GLB1: variants seen among roughly 807,000 people sequenced by gnomAD.
GLB1 encodes the protein beta-galactosidase.
Under a neutral mutation model 74.0 loss-of-function variants are expected in GLB1, and 56 were observed. The observed-to-expected ratio is 0.76, with a 90% CI of 0.61 to 0.94. The LOEUF is 0.94. Ranked by LOEUF, GLB1 falls within the 40% of genes least tolerant of loss-of-function variation. The pLI is 0.00. For missense variants in GLB1, 787 were observed against 845.5 expected, an observed-to-expected ratio of 0.93 and a Z score of 0.86; for synonymous variants, 323 against 323.6, an observed-to-expected ratio of 1.00 and a Z score of 0.02.
intron 14 of GLB1, among the ~76,000 whole-genome samples, chr3:33,016,129 C>T (rs1697228278): frequency 6.6e-6 from 1 of 152,166 alleles, no homozygotes; most frequent in Non-Finnish European, 1.5e-5. Context: ...GGCTAACCAT[C>T]CAAACCCATA....
chr3:32,972,326 G>A, the GLB1 span, among the ~76,000 whole-genome samples: 357 of 152,284 alleles, frequency 2.3e-3, 2 homozygotes, highest in Middle Eastern at 0.01. Flanking sequence ...GGAGGAGTAT[G>A]TGGAAAATTT....
intron 1 of GLB1, chr3:33,090,547 G>C: frequency 2.0e-6 from 2 of 985,312 alleles, no homozygotes; most frequent in Non-Finnish European, 2.4e-6. Context: ...TAAAAATAAA[G>C]AAACAAATGA....
chr3:32,976,592 A>T, the GLB1 span, among the ~76,000 whole-genome samples: 1 of 152,132 alleles, frequency 6.6e-6, no homozygotes, highest in Non-Finnish European at 1.5e-5. Flanking sequence ...TGGCCATGGG[A>T]GGCAGCAGTG....
intron 10 of GLB1, chr3:33,033,797 A>AAAG: frequency 3.8e-6 from 1 of 266,444 alleles, no homozygotes; most frequent in Non-Finnish European, 7.2e-6. Context: ...AAAAAAAAAA[A>AAAG]GGTGGTAAGG....
chr3:32,981,640 G>A, the GLB1 span, among the ~76,000 whole-genome samples: 1 of 151,750 alleles, frequency 6.6e-6, no homozygotes, highest in East Asian at 1.9e-4. Flanking sequence ...CAGGCGTCAT[G>A]GCGCATGTGT....
chr3:33,023,897 G>A (rs1222838290), intron 11 of GLB1, among the ~76,000 whole-genome samples: 1 of 152,110 alleles, frequency 6.6e-6, no homozygotes, highest in Non-Finnish European at 1.5e-5. Context: ...AGGTAAATAC[G>A]ACAAAGAGCC....
chr3:33,078,241 C>T (rs767308896), intron 1 of GLB1, among the ~76,000 whole-genome samples: 7 of 152,066 alleles, frequency 4.6e-5, no homozygotes, highest in Non-Finnish European at 1.0e-4. Flanking sequence ...GGGACCCTGT[C>T]TCAAAATAAC....
At chr3:32,971,640 C>T in the GLB1 span, among the ~76,000 whole-genome samples, 6 of 152,184 alleles carry the variant, frequency 3.9e-5, no homozygotes, top group Non-Finnish European at 7.3e-5. Context: ...AGTACTATAT[C>T]GCCTGATGGG....
At chr3:32,965,915 G>T in the GLB1 span, among the ~76,000 whole-genome samples, 1 of 152,246 alleles carries the variant, frequency 6.6e-6, no homozygotes, top group Non-Finnish European at 1.5e-5. Flanking sequence ...GTTGTGTTGA[G>T]ACTGCAGGTG....
intron 5 of GLB1, among the ~76,000 whole-genome samples, chr3:33,064,366 G>A (rs1194202348): frequency 6.6e-6 from 1 of 151,272 alleles, no homozygotes; most frequent in Non-Finnish European, 1.5e-5. Flanking sequence ...CCTGAACCTG[G>A]GAGGCAGAGG....
At chr3:33,041,140 C>G (rs1698479206) in intron 10 of GLB1, among the ~76,000 whole-genome samples, 1 of 152,062 alleles carries the variant, frequency 6.6e-6, no homozygotes, top group Non-Finnish European at 1.5e-5. Flanking sequence ...AGATACCAAG[C>G]CACAAGTTCC....
At chr3:33,078,001 A>C (rs1298656733) in intron 1 of GLB1, among the ~76,000 whole-genome samples, 1 of 152,114 alleles carries the variant, frequency 6.6e-6, no homozygotes, top group Non-Finnish European at 1.5e-5. Context: ...GGGATAAATT[A>C]GTCTAAAAAA....
Position 33,014,146 on chromosome 3 carries a change from G to C in GLB1, c.1644C>G (p.Leu548=), listed in dbSNP as rs761482093. Reference sequence around the variant, plus strand: ...AGAAGTTCCCCATATAAAAGGCCGGGAGCGTGTAGTTGGATGAGTTGTGGG... The same window carrying C: ...AGAAGTTCCCCATATAAAAGGCCGGCAGCGTGTAGTTGGATGAGTTGTGGG... ...AWAHNSSNYT[L]PAFYMGNFSI... Residue 548 remains leucine, a synonymous_variant, in exon 15 of 16, where the codon CTC becomes CTG. Coordinates refer to ENST00000307363, the MANE Select transcript of GLB1 (RefSeq NM_000404.4). 1.9e-6 allele frequency: 3 copies of C among 1,614,094 alleles called. No homozygotes were observed. Among genetic ancestry groups the C allele is most frequent in the Non-Finnish European group, 2.5e-6 (3 of 1,180,054 alleles).
chr3:33,053,629 C>A, intron 6 of GLB1, 80 bp from the exon 7 acceptor site: 2 of 1,584,888 alleles, frequency 1.3e-6, no homozygotes, highest in South Asian at 1.1e-5. Flanking sequence ...TCATGGGACT[C>A]GGGCCTGAAG....
chr3:33,006,619 G>A (rs567393732), intron 15 of GLB1, among the ~76,000 whole-genome samples: 1 of 152,314 alleles, frequency 6.6e-6, no homozygotes, highest in East Asian at 1.9e-4. Context: ...GCTGGACAGA[G>A]CAGAACATGC....
chr3:33,084,027 A>G (rs1201326519), intron 1 of GLB1, among the ~76,000 whole-genome samples: 1 of 152,182 alleles, frequency 6.6e-6, no homozygotes, highest in Non-Finnish European at 1.5e-5. Context: ...TGTGAAGATG[A>G]TCTGTCTTCA....
At chr3:32,972,102 A>G in the GLB1 span, among the ~76,000 whole-genome samples, 2 of 152,212 alleles carry the variant, frequency 1.3e-5, no homozygotes, top group Non-Finnish European at 2.9e-5. Flanking sequence ...GAATCATTAA[A>G]TACTATGGGC....
intron 10 of GLB1, among the ~76,000 whole-genome samples, chr3:33,028,630 C>T (rs995926371): frequency 6.6e-6 from 1 of 151,656 alleles, no homozygotes; most frequent in Admixed American, 6.6e-5. Flanking sequence ...ACATTTTCAT[C>T]AAGTATCCAT....
At chr3:32,980,245 T>A in the GLB1 span, among the ~76,000 whole-genome samples, 1 of 152,216 alleles carries the variant, frequency 6.6e-6, no homozygotes, top group Admixed American at 6.5e-5. Context: ...AAATACAAGA[T>A]CTTGCTATGT....
Sources: gnomAD v4.1 joint callset for allele counts (sites outside exome capture counted in the v4.1 genomes callset) on GRCh38, gnomAD v4.1.1 for gene constraint, MANE v1.5 for transcripts, NCBI Gene and HGNC (gene_info 2026-07-23, HGNC 2026-07-21) for gene names.